Variants in STARD13 observed in about 807,000 individuals in gnomAD.
The protein encoded by STARD13 is StAR related lipid transfer domain containing 13.
Under a neutral mutation model 106.4 loss-of-function variants are expected in STARD13, and 62 were observed. The observed-to-expected ratio is 0.58, with a 90% confidence interval of 0.48 to 0.72. The LOEUF (loss-of-function observed/expected upper bound fraction) is 0.72. Ranked by LOEUF, STARD13 falls within the 30% of genes least tolerant of loss-of-function variation. The pLI, the probability that STARD13 is intolerant of heterozygous loss-of-function variation, is 0.00. For missense variants in STARD13, 1,387 were observed against 1,424.0 expected (o/e 0.97, Z 0.42); for synonymous variants, 565 against 553.0 (o/e 1.02, Z -0.31).
At chr13:33,594,554 A>G in the STARD13 span, among the ~76,000 whole-genome samples, 1 of 152,236 alleles carries the variant, frequency 6.6e-6, no homozygotes, top group Non-Finnish European at 1.5e-5. Flanking sequence ...AATGATTTTA[A>G]AGTGTGTAGT....
intron 1 of STARD13, among the ~76,000 whole-genome samples, chr13:33,337,226 T>C (rs933998352): frequency 2.6e-5 from 4 of 152,202 alleles, no homozygotes; most frequent in African/African-American, 9.6e-5. Context: ...CCTCTCCTAA[T>C]TTCCTTTTCT....
the STARD13 span, among the ~76,000 whole-genome samples, chr13:33,400,999 G>A: frequency 1.3e-5 from 2 of 152,186 alleles, no homozygotes; most frequent in Admixed American, 1.3e-4. Flanking sequence ...GCATCAAAAA[G>A]AGAATGACTG....
At chr13:33,511,669 T>C in the STARD13 span, among the ~76,000 whole-genome samples, 1 of 152,084 alleles carries the variant, frequency 6.6e-6, no homozygotes, top group Non-Finnish European at 1.5e-5. Flanking sequence ...GGAAGTTGTA[T>C]TGCAAATCCT....
Position 33,130,149 on chromosome 13 carries a change from C to T in STARD13, c.528G>A (p.Gly176=). ...GDRNGSPGGT[G]MRNTTSSESV... is the part of the protein sequence containing the mutation. ...TCTCACTGCTGGTCGTGTTCCTCAT[C>T]CCCGTGCCTCCCGGTGACCCATTTC... The change falls in exon 5 of 14, where the codon GGG becomes GGA. Residue 176 remains glycine (G), a synonymous_variant. Transcript: ENST00000336934. The surrounding 1 kb of genome is among the most constrained non-coding windows in gnomAD (Gnocchi z 4.1). 3 of 1,614,150 alleles carry T rather than the reference C, an allele frequency of 1.9e-6. No homozygotes were observed. The highest frequency in any genetic ancestry group is 2.2e-5 in the East Asian group (1 of 44,878).
chr13:33,614,232 G>C, the STARD13 span, among the ~76,000 whole-genome samples: 2 of 150,698 alleles, frequency 1.3e-5, no homozygotes, highest in Non-Finnish European at 3.0e-5. Context: ...GGACCCGAAG[G>C]CTGCCTAAAT....
the STARD13 span, among the ~76,000 whole-genome samples, chr13:33,432,222 T>G: frequency 6.6e-6 from 1 of 152,154 alleles, no homozygotes; most frequent in Admixed American, 6.5e-5. Context: ...TCGCGAGCTT[T>G]TCTGATGGTG....
chr13:33,359,728 C>CCATA, the STARD13 span: 1 of 152,296 alleles, frequency 6.6e-6, no homozygotes, highest in African/African-American at 2.4e-5. Context: ...TCTTCAGAGG[C>CCATA]CATAGTATAA....
At chr13:33,528,386 C>T in the STARD13 span, among the ~76,000 whole-genome samples, 1 of 150,458 alleles carries the variant, frequency 6.6e-6, no homozygotes. Flanking sequence ...CCTCCAGCTT[C>T]AGTCTCCGAT....
At chr13:33,287,339 C>T (rs149450770), upstream of STARD13, among the ~76,000 whole-genome samples, 16 of 152,220 alleles carry the variant, frequency 1.1e-4, no homozygotes, top group East Asian at 2.9e-3. Context: ...AAGTTAAGCA[C>T]GATCTCTGCA....
At chr13:33,201,459 A>G in intron 1 of STARD13, among the ~76,000 whole-genome samples, 1 of 152,254 alleles carries the variant, frequency 6.6e-6, no homozygotes, top group South Asian at 2.1e-4. Context: ...CAGTTATTCC[A>G]TGTAAAAAGA....
intron 12 of STARD13, 115 bp from the exon 13 acceptor site, chr13:33,107,049 A>G (rs1365258371): frequency 1.4e-5 from 13 of 951,806 alleles, no homozygotes; most frequent in Non-Finnish European, 2.0e-5. Flanking sequence ...CTCAGATTCC[A>G]ATGCTAGTGA....
intron 1 of STARD13, among the ~76,000 whole-genome samples, chr13:33,244,320 A>C (rs970636778): frequency 6.6e-6 from 1 of 152,002 alleles, no homozygotes; most frequent in African/African-American, 2.4e-5. Context: ...TTACTGGGAA[A>C]TAGTAAAGCG....
At chr13:33,339,910 A>C (rs1406581692) in intron 1 of STARD13, among the ~76,000 whole-genome samples, 1 of 149,530 alleles carries the variant, frequency 6.7e-6, no homozygotes, top group Non-Finnish European at 1.5e-5. Flanking sequence ...GTCTCAAAGA[A>C]AAAAAAAAAA....
intron 1 of STARD13, among the ~76,000 whole-genome samples, chr13:33,203,972 G>A (rs1047874273): frequency 6.6e-6 from 1 of 152,166 alleles, no homozygotes; most frequent in East Asian, 1.9e-4. Flanking sequence ...CATTATATTT[G>A]TAAGCAGTGA....
intron 1 of STARD13, among the ~76,000 whole-genome samples, chr13:33,207,872 C>G (rs116360845): frequency 1.3e-5 from 2 of 152,156 alleles, no homozygotes; most frequent in Admixed American, 1.3e-4. Context: ...CCCTGCCCCG[C>G]CCACAAAAGG....
At chr13:33,163,197 A>C (rs142521998) in intron 3 of STARD13, among the ~76,000 whole-genome samples, 7 of 152,280 alleles carry the variant, frequency 4.6e-5, no homozygotes, top group Non-Finnish European at 1.0e-4. Context: ...GATTCAAATT[A>C]TCTCTCACTG....
the STARD13 span, among the ~76,000 whole-genome samples, chr13:33,528,497 C>T: frequency 4.6e-4 from 70 of 151,440 alleles, no homozygotes; most frequent in Admixed American, 1.2e-3. Flanking sequence ...TGATCTCAAA[C>T]GCCTGGCCTC....
the STARD13 span, among the ~76,000 whole-genome samples, chr13:33,430,228 T>C: frequency 4.6e-5 from 7 of 152,308 alleles, no homozygotes; most frequent in African/African-American, 1.7e-4. Context: ...TAATTGTACA[T>C]TTTAAAAATG....
chr13:33,478,202 C>G, the STARD13 span, among the ~76,000 whole-genome samples: 1 of 152,162 alleles, frequency 6.6e-6, no homozygotes, highest in Non-Finnish European at 1.5e-5. Flanking sequence ...CCCAATCAAG[C>G]CTTCTTCCCT....
Sources: gnomAD v4.1 joint callset for allele counts (sites outside exome capture counted in the v4.1 genomes callset) on GRCh38, gnomAD v4.1.1 for gene constraint, Gnocchi (gnomAD v3.1) non-coding constraint, MANE v1.5 for transcripts, NCBI Gene and HGNC (gene_info 2026-07-23, HGNC 2026-07-21) for gene names.